Variants in PIEZO2 observed in about 807,000 individuals in gnomAD.
PIEZO2 encodes piezo-type mechanosensitive ion channel component 2.
Under a neutral mutation model 337.3 loss-of-function variants are expected in PIEZO2, and 172 were observed. The observed-to-expected ratio is 0.51, with a 90% CI of 0.45 to 0.58. PIEZO2 has a LOEUF of 0.58. PIEZO2 is among the 20% of genes least tolerant of loss of function. The pLI is 0.00. For synonymous variants in PIEZO2, 1,251 were observed against 1,228.5 expected, an observed-to-expected ratio of 1.02 and a Z score of -0.38; for missense variants, 3,028 against 3,391.3, an observed-to-expected ratio of 0.89 and a Z score of 2.66.
At position 10,773,271 on chromosome 18, in the gene PIEZO2, A is replaced by G; in HGVS notation, c.2785+141T>C. The stretch of plus-strand genomic sequence containing the variant: ...CAATTGGAACAGTAATATTATAACT[A>G]TAGCAATCAAACAAAAACCACTCCA... On this transcript the variant is annotated intron_variant, in intron 20 of 55. Coordinates refer to ENST00000674853, the MANE Select transcript of PIEZO2 (RefSeq NM_001378183.1). The surrounding 1 kb of genome is among the most constrained non-coding windows in gnomAD (Gnocchi z 5.3). 1 of 794,718 alleles carries G rather than the reference A, an allele frequency of 1.3e-6. No homozygotes were observed. Among genetic ancestry groups the G allele is most frequent in the Non-Finnish European group, 2.0e-6 (1 of 503,994 alleles). 49.2% of individuals were successfully genotyped at this position (794,718 alleles called of 1,614,324 possible). A position where few individuals can be genotyped will look rare whatever the true frequency, so the allele number is the denominator to read the frequency against.
intron 7 of PIEZO2, among the ~76,000 whole-genome samples, chr18:10,825,671 C>T (rs976256507): frequency 1.3e-5 from 2 of 151,548 alleles, no homozygotes; most frequent in African/African-American, 4.9e-5. Context: ...CTGCCTCAGC[C>T]TCCCAAGTAG....
In PIEZO2 at chr18:10,759,209, GTGTGTGTGTGTGTGTGTGTT is replaced by G. The variant is rs931722255; in HGVS notation, c.3757+253_3757+272del. Among the ~76,000 whole-genome samples, 3 of 55,192 alleles carry G rather than the reference GTGTGTGTGTGTGTGTGTGTT, an allele frequency of 5.4e-5. No individual in the cohort carries two copies. Among genetic ancestry groups the G allele is most frequent in the Middle Eastern group, 0.012 (1 of 82 alleles). 36.2% of individuals were successfully genotyped at this position (55,192 alleles called of 152,430 possible). On this transcript the variant is annotated intron_variant, in intron 26 of 55. Coordinates refer to ENST00000674853, the MANE Select transcript of PIEZO2 (RefSeq NM_001378183.1). The surrounding 1 kb of genome is among the most constrained non-coding windows in gnomAD (Gnocchi z 5.5). ...TTGAAAGGTGGCTGTGTAAATGTGT[GTGTGTGTGTGTGTGTGTGTT>G]TGTGTGTGTGTGTTGGGGGAAGTGA... is the stretch of plus-strand genomic sequence containing the variant.
At chr18:10,852,624 A>G (rs988764399) in intron 7 of PIEZO2, among the ~76,000 whole-genome samples, 11 of 152,248 alleles carry the variant, frequency 7.2e-5, no homozygotes, top group Admixed American at 1.3e-4. Flanking sequence ...CCACATTATG[A>G]TGTCTTGAAA....
intron 33 of PIEZO2, 128 bp from the exon 34 acceptor site, chr18:10,736,838 A>C: frequency 1.9e-6 from 2 of 1,051,122 alleles, no homozygotes; most frequent in East Asian, 2.6e-5. Flanking sequence ...ATGTTGGCAG[A>C]GAGGAAAACA....
Position 10,830,052 on chromosome 18 carries a change from A to G in PIEZO2, c.918-22778T>C, listed in dbSNP as rs909474446. On this transcript the variant is annotated intron_variant, in intron 7 of 55. Coordinates refer to ENST00000674853, the MANE Select transcript of PIEZO2 (RefSeq NM_001378183.1). This position sits in a 1 kb window ranked among gnomAD's most constrained non-coding sequence, Gnocchi z 4.7. ...ATTACCTCACTTCGAATTATACTAC[A>G]GAGCTCTAGTAACCAAAACAGTATG... Among the ~76,000 whole-genome samples, 1 of 152,208 alleles carries G rather than the reference A, an allele frequency of 6.6e-6. No homozygotes were observed. Among genetic ancestry groups the G allele is most frequent in the Admixed American group, 6.5e-5 (1 of 15,278 alleles).
chr18:10,815,878 T>C lies in PIEZO2; in HGVS notation c.918-8604A>G, dbSNP rs2040348932. Among the ~76,000 whole-genome samples, 1 of 152,216 alleles carries C rather than the reference T, an allele frequency of 6.6e-6. No homozygotes were observed. Among genetic ancestry groups the C allele is most frequent in the South Asian group, 2.1e-4 (1 of 4,830 alleles). Reference sequence around the variant, plus strand: ...ATGAGGTGGAGGCCTAGGTGATGCTTGGTCCTCTCTTACAGTTCAGTTATT... The same window carrying C: ...ATGAGGTGGAGGCCTAGGTGATGCTCGGTCCTCTCTTACAGTTCAGTTATT... On this transcript the variant is annotated intron_variant, in intron 7 of 55. Coordinates refer to ENST00000674853, the MANE Select transcript of PIEZO2 (RefSeq NM_001378183.1). This position sits in a 1 kb window ranked among gnomAD's most constrained non-coding sequence, Gnocchi z 4.1.
intron 34 of PIEZO2, 150 bp downstream of exon 34, chr18:10,736,454 A>G: frequency 2.6e-6 from 3 of 1,164,306 alleles, no homozygotes; most frequent in Non-Finnish European, 3.5e-6. Context: ...ATTACAATTT[A>G]ATTAGAAATA....
intron 4 of PIEZO2, among the ~76,000 whole-genome samples, chr18:10,882,834 C>CTT (rs745618117): frequency 0.39 from 41,174 of 105,236 alleles, 9,161 homozygotes; most frequent in East Asian, 0.62. Context: ...ACCACATTTT[C>CTT]TTTTTTTCTT....
intron 4 of PIEZO2, among the ~76,000 whole-genome samples, chr18:10,906,375 ATT>A (rs2029921593): frequency 6.6e-6 from 1 of 152,168 alleles, no homozygotes; most frequent in Non-Finnish European, 1.5e-5. Context: ...TCAGTAAAAT[ATT>A]GTTATTTTTA....
chr18:10,886,505 T>TAC (rs2042612657), intron 4 of PIEZO2, among the ~76,000 whole-genome samples: 1 of 119,120 alleles, frequency 8.4e-6, no homozygotes, highest in Non-Finnish European at 1.7e-5. Flanking sequence ...TATACGCATA[T>TAC]ACACATTATA....
At chr18:11,058,325 G>A (rs933054538) in intron 2 of PIEZO2, among the ~76,000 whole-genome samples, 3 of 152,080 alleles carry the variant, frequency 2.0e-5, no homozygotes, top group Non-Finnish European at 4.4e-5. Context: ...CAAAGTTGGG[G>A]AAAAAACAGC....
At chr18:10,810,344 G>A (rs776803747) in intron 7 of PIEZO2, among the ~76,000 whole-genome samples, 1 of 152,154 alleles carries the variant, frequency 6.6e-6, no homozygotes. Context: ...AACCTGGTCT[G>A]TCTGCATTGC....
intron 1 of PIEZO2, among the ~76,000 whole-genome samples, chr18:11,108,688 T>C (rs2039646934): frequency 6.6e-6 from 1 of 150,482 alleles, no homozygotes; most frequent in South Asian, 2.1e-4. Flanking sequence ...TTTTCATATA[T>C]GTTGTCTGAT....
In PIEZO2 at chr18:10,797,400, A is replaced by T; in HGVS notation, c.1501T>A (p.Tyr501Asn). The T allele has an allele frequency of 6.5e-7, 1 of 1,537,114 alleles. No homozygotes were observed. Among genetic ancestry groups the T allele is most frequent in the Non-Finnish European group, 8.7e-7 (1 of 1,146,872 alleles). The change falls in exon 12 of 56, where the codon TAC (tyrosine) becomes AAC (asparagine). Residue 501 changes from tyrosine (Y) to asparagine (N), a missense_variant. Coordinates refer to ENST00000674853, the MANE Select transcript of PIEZO2 (RefSeq NM_001378183.1). ...ATCATAGCTATGAGGGCACAGATGT[A>T]ACTTTGTTTCATAATAAATTGGAAT... ...SVFQFIMKQSYICALIAMMAW... is the reference protein window; with the variant it reads ...SVFQFIMKQSNICALIAMMAW...
At position 11,099,068 on chromosome 18, in the gene PIEZO2, T is replaced by A. The variant is rs1320495544; in HGVS notation, c.65-32846A>T. On this transcript the variant is annotated intron_variant, in intron 1 of 55. Transcript: ENST00000674853. The surrounding 1 kb of genome is among the most constrained non-coding windows in gnomAD (Gnocchi z 5.4). The stretch of plus-strand genomic sequence containing the variant: ...ATCCTCTTGCCTCAGCCTCCCAAAG[T>A]GCTGGGATTACAGGCATCAGCCACT... Among the ~76,000 whole-genome samples, 2 of 151,972 alleles carry A rather than the reference T, an allele frequency of 1.3e-5. No individual in the cohort carries two copies. The highest frequency in any genetic ancestry group is 3.9e-4 in the East Asian group (2 of 5,148).
chr18:11,020,490 C>G (rs1449702774), intron 2 of PIEZO2, among the ~76,000 whole-genome samples: 2 of 152,126 alleles, frequency 1.3e-5, no homozygotes, highest in Non-Finnish European at 2.9e-5. Flanking sequence ...GTTTTCCTGT[C>G]AATACCTGGC....
At chr18:10,715,565 T>C in intron 38 of PIEZO2, 85 bp downstream of exon 38, 1 of 1,289,814 alleles carries the variant, frequency 7.8e-7, no homozygotes, top group Non-Finnish European at 1.0e-6. Flanking sequence ...GGGCTTTGTC[T>C]TATCCTACCT....
chr18:10,790,095 T>C (rs1229353221), intron 14 of PIEZO2, among the ~76,000 whole-genome samples: 1 of 152,200 alleles, frequency 6.6e-6, no homozygotes, highest in Non-Finnish European at 1.5e-5. Context: ...ACAGTTGATC[T>C]CAAATTAACC....
At position 11,082,625 on chromosome 18, in the gene PIEZO2, G is replaced by A. The variant is rs114728370; in HGVS notation, c.65-16403C>T. Reference sequence around the variant, plus strand: ...ATGTTTCACATATTTTTAAAACTTGGTTAGCCCTTCCTTGGAACAAATGAA... The same window carrying A: ...ATGTTTCACATATTTTTAAAACTTGATTAGCCCTTCCTTGGAACAAATGAA... On this transcript the variant is annotated intron_variant, in intron 1 of 55. Coordinates refer to ENST00000674853, the MANE Select transcript of PIEZO2 (RefSeq NM_001378183.1). 1.3e-3 allele frequency among the ~76,000 whole-genome samples: 191 copies of A among 152,184 alleles called. 2 individuals are homozygous for A. The highest frequency in any genetic ancestry group is 4.6e-3 in the African/African-American group (189 of 41,532).
Sources: allele counts gnomAD v4.1 joint callset (sites outside exome capture counted in the v4.1 genomes callset), GRCh38; gene constraint gnomAD v4.1.1; non-coding constraint Gnocchi (gnomAD v3.1); transcripts MANE v1.5; gene names NCBI Gene and HGNC (gene_info 2026-07-23, HGNC 2026-07-21).